Variants in SLC25A48 observed in about 807,000 individuals in gnomAD.
The protein encoded by SLC25A48 is solute carrier family 25 member 48, also known as CTC-321K16.1.
Under a neutral mutation model 32.2 loss-of-function variants are expected in SLC25A48, and 29 were observed. That is an observed-to-expected ratio of 0.90 (90% CI 0.67 to 1.23). The LOEUF (loss-of-function observed/expected upper bound fraction) is 1.23. SLC25A48 is among the 50% of genes most tolerant of loss of function. The pLI is 0.00. For missense variants in SLC25A48, 399 were observed against 422.7 expected, an observed-to-expected ratio of 0.94 and a Z score of 0.49; for synonymous variants, 164 against 172.3, an observed-to-expected ratio of 0.95 and a Z score of 0.38.
intron 3 of SLC25A48, among the ~76,000 whole-genome samples, chr5:135,667,350 A>G (rs1194810424): frequency 6.6e-6 from 1 of 152,232 alleles, no homozygotes; most frequent in Non-Finnish European, 1.5e-5. Flanking sequence ...AAAACAAAAC[A>G]GAAACTTGCT....
At chr5:135,765,012 T>C (rs894350907) in intron 3 of SLC25A48, among the ~76,000 whole-genome samples, 1 of 151,312 alleles carries the variant, frequency 6.6e-6, no homozygotes, top group African/African-American at 2.4e-5. Flanking sequence ...AGGGTGACAT[T>C]ACTCCTCATA....
chr5:135,623,289 C>G (rs981209181), intron 1 of SLC25A48, among the ~76,000 whole-genome samples: 1 of 152,226 alleles, frequency 6.6e-6, no homozygotes, highest in Admixed American at 6.5e-5. Context: ...TCTTAACTCC[C>G]CATTTTAGTG....
chr5:135,743,520 GA>G (rs1261462950), intron 3 of SLC25A48, among the ~76,000 whole-genome samples: 1 of 152,110 alleles, frequency 6.6e-6, no homozygotes, highest in Admixed American at 6.5e-5. Flanking sequence ...TGGAGGGTGA[GA>G]AACCCTGATA....
At chr5:135,851,866 C>T (rs1173381919) in intron 3 of SLC25A48, among the ~76,000 whole-genome samples, 1 of 152,138 alleles carries the variant, frequency 6.6e-6, no homozygotes, top group African/African-American at 2.4e-5. Flanking sequence ...GCAGCACCCC[C>T]TCCTCAGCCT....
chr5:135,614,040 C>G (rs1204504321), intron 1 of SLC25A48, among the ~76,000 whole-genome samples: 2 of 152,078 alleles, frequency 1.3e-5, no homozygotes, highest in Non-Finnish European at 2.9e-5. Context: ...GCAGAATGGT[C>G]ATATTAATAA....
intron 3 of SLC25A48, among the ~76,000 whole-genome samples, chr5:135,772,600 G>A (rs1414189259): frequency 2.1e-5 from 3 of 146,122 alleles, no homozygotes; most frequent in Non-Finnish European, 4.6e-5. Flanking sequence ...GGGGTGTACA[G>A]AGCCTGTGAT....
chr5:135,721,984 G>GC, intron 3 of SLC25A48, among the ~76,000 whole-genome samples: 1 of 152,344 alleles, frequency 6.6e-6, no homozygotes, highest in South Asian at 2.1e-4. Context: ...GGGGCCTGGG[G>GC]CCCCCTCTCT....
intron 3 of SLC25A48, among the ~76,000 whole-genome samples, chr5:135,788,362 C>G (rs559611756): frequency 1.2e-5 from 1 of 83,444 alleles, no homozygotes; most frequent in Non-Finnish European, 3.0e-5. Flanking sequence ...GGGTGTACAC[C>G]CCCCCGCCAT....
At chr5:135,785,012 CA>C (rs1756800209) in intron 3 of SLC25A48, among the ~76,000 whole-genome samples, 1 of 150,048 alleles carries the variant, frequency 6.7e-6, no homozygotes, top group Non-Finnish European at 1.5e-5. Context: ...TTCTTAATAT[CA>C]TAAGGTGGAC....
chr5:135,643,001 C>T lies in SLC25A48; in HGVS notation c.-521+8045C>T, dbSNP rs115908251. 3.8e-3 allele frequency among the ~76,000 whole-genome samples: 578 copies of T among 152,234 alleles called. 4 individuals are homozygous for T. Among genetic ancestry groups the T allele is most frequent in the African/African-American group, 0.012 (508 of 41,542 alleles). On this transcript the variant is annotated intron_variant, in intron 3 of 10. Coordinates refer to the SLC25A48 transcript ENST00000646290. ...GGACCCAGGCCAGTGGGAGCCAGGG[C>T]GGCAGCAACGCAAGTCCTAAACCCC...
At chr5:135,867,879 A>G (rs532538702) in intron 4 of SLC25A48, among the ~76,000 whole-genome samples, 42 of 152,354 alleles carry the variant, frequency 2.8e-4, no homozygotes, top group African/African-American at 8.9e-4. Context: ...CTTGTAAGTT[A>G]CAACCACTGC....
At chr5:135,753,284 G>C (rs1427262143) in intron 3 of SLC25A48, among the ~76,000 whole-genome samples, 1 of 152,000 alleles carries the variant, frequency 6.6e-6, no homozygotes, top group East Asian at 1.9e-4. Context: ...CACCCACGGT[G>C]ATTCTAACAG....
chr5:135,734,929 C>T (rs943501330), intron 3 of SLC25A48, among the ~76,000 whole-genome samples: 4 of 152,226 alleles, frequency 2.6e-5, no homozygotes, highest in African/African-American at 7.2e-5. Flanking sequence ...AATTGGGCAG[C>T]GTCAGCCTTC....
At chr5:135,720,455 C>T (rs772202037) in intron 3 of SLC25A48, among the ~76,000 whole-genome samples, 3 of 152,208 alleles carry the variant, frequency 2.0e-5, no homozygotes, top group Non-Finnish European at 4.4e-5. Context: ...AACTGTGCCA[C>T]CCCTTTGGTG....
chr5:135,837,304 G>C (rs1294887660), intron 1 of SLC25A48, among the ~76,000 whole-genome samples: 1 of 152,056 alleles, frequency 6.6e-6, no homozygotes, highest in African/African-American at 2.4e-5. Context: ...GGGGACAGGT[G>C]GTTCTGGACC....
chr5:135,595,560 A>G (rs1298609093), intron 1 of SLC25A48, among the ~76,000 whole-genome samples: 1 of 152,230 alleles, frequency 6.6e-6, no homozygotes, highest in Non-Finnish European at 1.5e-5. Flanking sequence ...CTGGGTAGAC[A>G]TAACATTCAT....
intron 3 of SLC25A48, among the ~76,000 whole-genome samples, chr5:135,792,727 G>A (rs1007854781): frequency 2.6e-5 from 4 of 151,624 alleles, no homozygotes; most frequent in South Asian, 2.1e-4. Flanking sequence ...ATATCCTTGC[G>A]AGATATTACC....
At chr5:135,839,794 T>G (rs1344932434) in intron 1 of SLC25A48, among the ~76,000 whole-genome samples, 1 of 152,158 alleles carries the variant, frequency 6.6e-6, no homozygotes, top group East Asian at 1.9e-4. Flanking sequence ...GGGCGAGTTT[T>G]CCTGTGCTGT....
intron 3 of SLC25A48, among the ~76,000 whole-genome samples, chr5:135,789,085 G>A (rs1430054592): frequency 8.1e-6 from 1 of 123,962 alleles, no homozygotes; most frequent in East Asian, 2.5e-4. Context: ...CGAGAAGAGA[G>A]AGAGAGGTAT....
Sources: allele counts gnomAD v4.1 joint callset (sites outside exome capture counted in the v4.1 genomes callset), GRCh38; gene constraint gnomAD v4.1.1; transcripts MANE v1.5; gene names NCBI Gene and HGNC (gene_info 2026-07-23, HGNC 2026-07-21).